The following POU6F2 variants were observed in gnomAD, a reference collection of about 807,000 sequenced individuals.
The protein encoded by POU6F2 is POU class 6 homeobox 2.
In POU6F2, 31 loss-of-function variants were observed where a neutral mutation model predicts 71.3. That is an observed-to-expected ratio of 0.43 (90% confidence interval 0.33 to 0.59). The LOEUF is 0.59. Among genes scored for constraint, POU6F2 ranks in the 20% least tolerant of loss-of-function variants. The pLI, the probability that POU6F2 is intolerant of heterozygous loss-of-function variation, is 0.04. For missense variants in POU6F2, 783 were observed against 856.8 expected, an observed-to-expected ratio of 0.91 and a Z score of 1.07; for synonymous variants, 347 against 355.7, an observed-to-expected ratio of 0.98 and a Z score of 0.27.
intron 1 of POU6F2, among the ~76,000 whole-genome samples, chr7:39,012,578 C>T (rs1267944375): frequency 2.0e-5 from 3 of 151,912 alleles, no homozygotes; most frequent in Non-Finnish European, 2.9e-5. Context: ...GAACTGTGTT[C>T]CTTTAGAGGA....
chr7:39,131,572 C>A (rs1425633981), intron 2 of POU6F2, among the ~76,000 whole-genome samples: 1 of 152,140 alleles, frequency 6.6e-6, no homozygotes, highest in Non-Finnish European at 1.5e-5. Context: ...AGAAAAGACC[C>A]TAAATCTACG....
At chr7:39,321,351 TAGA>T (rs1785386295) in intron 4 of POU6F2, among the ~76,000 whole-genome samples, 1 of 151,600 alleles carries the variant, frequency 6.6e-6, no homozygotes, top group South Asian at 2.1e-4. Flanking sequence ...CAGAGGGAAA[TAGA>T]AGGAGGGGGA....
At chr7:39,115,878 C>T in intron 2 of POU6F2, among the ~76,000 whole-genome samples, 1 of 152,000 alleles carries the variant, frequency 6.6e-6, no homozygotes, top group African/African-American at 2.4e-5. Context: ...GCTTCTCTTT[C>T]CTGGATTACA....
intron 2 of POU6F2, among the ~76,000 whole-genome samples, chr7:39,122,104 A>G (rs1050724965): frequency 2.0e-5 from 3 of 152,220 alleles, no homozygotes; most frequent in South Asian, 4.1e-4. Flanking sequence ...CTAATTTGTA[A>G]TGTAATCTTA....
chr7:39,157,465 T>C (rs1327691847), intron 2 of POU6F2, among the ~76,000 whole-genome samples: 1 of 152,170 alleles, frequency 6.6e-6, no homozygotes, highest in Admixed American at 6.5e-5. Context: ...TTACTGGTTA[T>C]TGCAAATCCA....
chr7:39,338,362 T>C (rs552221461), intron 4 of POU6F2, among the ~76,000 whole-genome samples: 1 of 152,180 alleles, frequency 6.6e-6, no homozygotes, highest in Non-Finnish European at 1.5e-5. Flanking sequence ...CGGGGTACTT[T>C]CCAGGCCTCC....
At chr7:39,075,140 G>C (rs1234799093) in intron 1 of POU6F2, among the ~76,000 whole-genome samples, 1 of 152,132 alleles carries the variant, frequency 6.6e-6, no homozygotes, top group Non-Finnish European at 1.5e-5. Flanking sequence ...TCTCTTTGGA[G>C]CTAGACCAGG....
chr7:39,441,899 T>C (rs961668263), intron 7 of POU6F2, among the ~76,000 whole-genome samples: 1 of 152,142 alleles, frequency 6.6e-6, no homozygotes, highest in Non-Finnish European at 1.5e-5. Flanking sequence ...CATGGCTTTA[T>C]GTGAAGTCAG....
chr7:38,986,829 C>T (rs1174471295), intron 1 of POU6F2, among the ~76,000 whole-genome samples: 1 of 152,100 alleles, frequency 6.6e-6, no homozygotes, highest in Non-Finnish European at 1.5e-5. Context: ...TATATGCAAT[C>T]CTTACACAAC....
At chr7:39,131,142 G>A (rs1015334206) in intron 2 of POU6F2, among the ~76,000 whole-genome samples, 3 of 152,090 alleles carry the variant, frequency 2.0e-5, no homozygotes, top group Admixed American at 1.3e-4. Flanking sequence ...TCCCCACGTC[G>A]ATTGGCACGG....
In POU6F2 at chr7:39,276,857, A is replaced by T. The variant is rs190334576; in HGVS notation, c.599-62785A>T. 6.7e-5 allele frequency among the ~76,000 whole-genome samples: 10 copies of T among 148,404 alleles called. No homozygotes were observed. The East Asian group carries it at 1.8e-3, about 27-fold the overall frequency. On this transcript the variant is annotated intron_variant, in intron 4 of 9. Transcript: ENST00000518318. ...CATAGATGGGAATTGAACAATGAGA[A>T]CACATGGACACAGGAAGGGGAACAT...
intron 2 of POU6F2, among the ~76,000 whole-genome samples, chr7:39,116,265 G>A (rs1028163729): frequency 6.6e-6 from 1 of 152,094 alleles, no homozygotes; most frequent in South Asian, 2.1e-4. Context: ...TGCACCTGTA[G>A]TCCCAACTGC....
chr7:39,158,593 C>G (rs1478874856), intron 2 of POU6F2, among the ~76,000 whole-genome samples: 1 of 152,038 alleles, frequency 6.6e-6, no homozygotes, highest in Middle Eastern at 3.2e-3. Context: ...TGTGGAAATC[C>G]CAGAGTCCAA....
At chr7:39,093,982 A>G (rs1791404999) in intron 2 of POU6F2, among the ~76,000 whole-genome samples, 2 of 152,088 alleles carry the variant, frequency 1.3e-5, no homozygotes, top group Non-Finnish European at 2.9e-5. Flanking sequence ...ACTAACAAAG[A>G]CTTATTTATA....
intron 2 of POU6F2, among the ~76,000 whole-genome samples, chr7:39,120,407 T>A (rs1253704973): frequency 6.6e-6 from 1 of 152,162 alleles, no homozygotes; most frequent in Non-Finnish European, 1.5e-5. Context: ...CCTCTCTCTT[T>A]CATGAAAAGT....
intron 5 of POU6F2, among the ~76,000 whole-genome samples, chr7:39,386,917 C>T (rs752063090): frequency 5.9e-5 from 9 of 152,180 alleles, no homozygotes; most frequent in Non-Finnish European, 1.3e-4. Context: ...CCCTCTGCAG[C>T]GCCCCCTTGC....
chr7:39,082,872 C>T (rs950167474), intron 1 of POU6F2, among the ~76,000 whole-genome samples: 2 of 149,530 alleles, frequency 1.3e-5, no homozygotes, highest in South Asian at 2.1e-4. Flanking sequence ...TTATGGAAAA[C>T]GTAAAGTGTT....
At chr7:39,029,494 G>C (rs996461594) in intron 1 of POU6F2, among the ~76,000 whole-genome samples, 16 of 90,672 alleles carry the variant, frequency 1.8e-4, no homozygotes, top group Non-Finnish European at 2.8e-4. Context: ...ATTTCTGGGA[G>C]GGGGGGGTGG....
chr7:39,163,531 T>C (rs1427116655), intron 2 of POU6F2, among the ~76,000 whole-genome samples: 6 of 152,180 alleles, frequency 3.9e-5, no homozygotes, highest in Non-Finnish European at 8.8e-5. Flanking sequence ...ATCCTGTGGA[T>C]CTGTCTCTTG....
Sources: allele counts gnomAD v4.1 joint callset (sites outside exome capture counted in the v4.1 genomes callset), GRCh38; gene constraint gnomAD v4.1.1; transcripts MANE v1.5; gene names NCBI Gene and HGNC (gene_info 2026-07-23, HGNC 2026-07-21).